Variants in SDK1 observed in about 807,000 individuals in gnomAD.
The protein encoded by SDK1 is sidekick cell adhesion molecule 1.
In SDK1, 157 loss-of-function variants were observed where a neutral mutation model predicts 245.5. That is an observed-to-expected ratio of 0.64 (90% CI 0.56 to 0.73). SDK1 has a LOEUF of 0.73. SDK1 is among the 30% of genes least tolerant of loss of function. SDK1 has a pLI of 0.00. For missense variants in SDK1, 3,583 were observed against 3,002.3 expected, an observed-to-expected ratio of 1.19 and a Z score of -4.52; for synonymous variants, 1,647 against 1,278.5, an observed-to-expected ratio of 1.29 and a Z score of -6.15.
intron 4 of SDK1, among the ~76,000 whole-genome samples, chr7:3,792,075 T>C (rs575374781): frequency 6.6e-6 from 1 of 152,010 alleles, no homozygotes; most frequent in Non-Finnish European, 1.5e-5. Flanking sequence ...CTGCAGTGAG[T>C]TATGAGTGCA....
intron 1 of SDK1, among the ~76,000 whole-genome samples, chr7:3,515,848 A>G (rs1400807080): frequency 6.6e-6 from 1 of 152,202 alleles, no homozygotes; most frequent in Non-Finnish European, 1.5e-5. Flanking sequence ...GAAGATTGAA[A>G]CAAAACTAAT....
At chr7:3,372,782 G>T (rs575562641) in intron 1 of SDK1, among the ~76,000 whole-genome samples, 1 of 152,200 alleles carries the variant, frequency 6.6e-6, no homozygotes, top group Admixed American at 6.5e-5. Context: ...AGGAGAGCGT[G>T]CATTGCAGGC....
At chr7:3,802,785 A>G (rs35961269) in intron 4 of SDK1, among the ~76,000 whole-genome samples, 15,687 of 152,184 alleles carry the variant, frequency 0.1, 1,217 homozygotes, top group African/African-American at 0.22. Context: ...GCATGTATCA[A>G]TGGCTTGTTT....
intron 5 of SDK1, among the ~76,000 whole-genome samples, chr7:3,831,410 C>G (rs534561537): frequency 6.6e-6 from 1 of 152,108 alleles, no homozygotes; most frequent in African/African-American, 2.4e-5. Context: ...TTAAGAAACA[C>G]CTGTTTAATT....
intron 4 of SDK1, among the ~76,000 whole-genome samples, chr7:3,812,007 G>A (rs1403676043): frequency 6.6e-6 from 1 of 152,100 alleles, no homozygotes; most frequent in Non-Finnish European, 1.5e-5. Context: ...GAACAGACTG[G>A]CTTCACACAC....
intron 4 of SDK1, among the ~76,000 whole-genome samples, chr7:3,816,825 T>C (rs979569038): frequency 6.6e-6 from 1 of 152,164 alleles, no homozygotes; most frequent in Non-Finnish European, 1.5e-5. Context: ...CTTTTAAAAG[T>C]TGCTTAATTA....
chr7:3,828,659 T>C, intron 5 of SDK1, among the ~76,000 whole-genome samples: 1 of 28,966 alleles, frequency 3.5e-5, no homozygotes, highest in East Asian at 8.9e-4. Context: ...CTTTTTTTTT[T>C]TTTTTTGTTT....
Position 3,987,304 on chromosome 7 carries a change from G to A in SDK1, c.2113G>A (p.Val705Met), listed in dbSNP as rs376027939. The change falls in exon 14 of 45, where the codon GTG (valine) becomes ATG (methionine). Residue 705 changes from valine (V) to methionine (M), a missense_variant. By Grantham distance (21) the Val-to-Met change is conservative. Transcript: ENST00000404826. ...AAACAGTCCTATTCTTTATTACATC[G>A]TGGAGCTCTCTGAAAACAGTAAGTA... is the stretch of plus-strand genomic sequence containing the variant. ...DGNSPILYYI[V>M]ELSENNSPWK... 4.5e-5 allele frequency: 73 copies of A among 1,613,824 alleles called. No individual in the cohort carries two copies. The highest frequency in any genetic ancestry group is 5.4e-5 in the Non-Finnish European group (64 of 1,179,912).
intron 38 of SDK1, among the ~76,000 whole-genome samples, chr7:4,214,871 T>C (rs1013243351): frequency 6.6e-6 from 1 of 152,216 alleles, no homozygotes; most frequent in African/African-American, 2.4e-5. Flanking sequence ...ACACCGTCAG[T>C]CTGCAGGCAC....
intron 32 of SDK1, among the ~76,000 whole-genome samples, chr7:4,164,162 G>T (rs906933089): frequency 1.3e-5 from 2 of 152,182 alleles, no homozygotes; most frequent in Admixed American, 6.5e-5. Context: ...CAGAGCATAG[G>T]GGGGCCAGAG....
intron 4 of SDK1, among the ~76,000 whole-genome samples, chr7:3,774,418 A>G (rs951034103): frequency 6.6e-6 from 1 of 152,072 alleles, no homozygotes; most frequent in Admixed American, 6.5e-5. Context: ...TTTGCCTACC[A>G]AGGCTCCTGC....
At chr7:4,011,721 G>T (rs894777) in intron 15 of SDK1, among the ~76,000 whole-genome samples, 1 of 151,960 alleles carries the variant, frequency 6.6e-6, no homozygotes, top group Non-Finnish European at 1.5e-5. Context: ...TCTTCAAAAT[G>T]TGGGAGTTTG....
At chr7:3,568,371 C>G (rs1303707670) in intron 1 of SDK1, among the ~76,000 whole-genome samples, 2 of 152,124 alleles carry the variant, frequency 1.3e-5, no homozygotes, top group Non-Finnish European at 2.9e-5. Context: ...CTCTTTTTCC[C>G]TCTATTACCA....
intron 40 of SDK1, among the ~76,000 whole-genome samples, chr7:4,232,384 C>CTTTTTTTT (rs1425066111): frequency 1.1e-5 from 1 of 92,868 alleles, no homozygotes; most frequent in Non-Finnish European, 2.4e-5. Context: ...TTCCTTTTTT[C>CTTTTTTTT]TTTTTTTCTT....
intron 1 of SDK1, among the ~76,000 whole-genome samples, chr7:3,565,550 A>G (rs961878448): frequency 6.6e-6 from 1 of 152,212 alleles, no homozygotes; most frequent in Non-Finnish European, 1.5e-5. Context: ...TAGTAAACTG[A>G]TTACTAGAAC....
chr7:3,884,239 C>G (rs1211504365), intron 5 of SDK1, among the ~76,000 whole-genome samples: 3 of 152,068 alleles, frequency 2.0e-5, no homozygotes, highest in Non-Finnish European at 4.4e-5. Flanking sequence ...AGCCACTGCA[C>G]CCGGCCGCCT....
At chr7:4,200,735 C>T (rs1783836815) in intron 35 of SDK1, among the ~76,000 whole-genome samples, 1 of 152,232 alleles carries the variant, frequency 6.6e-6, no homozygotes, top group African/African-American at 2.4e-5. Flanking sequence ...GTTGCTGAGT[C>T]ACAGCAGTGC....
intron 5 of SDK1, among the ~76,000 whole-genome samples, chr7:3,858,726 A>C (rs963160802): frequency 6.6e-6 from 1 of 151,888 alleles, no homozygotes; most frequent in African/African-American, 2.4e-5. Context: ...TTTCCCTATC[A>C]GGTGTCAAAG....
rs527573476 is a variant in SDK1, at chr7:4,146,597, C to T, written c.4423+681C>T. Among the ~76,000 whole-genome samples, 118 of 152,366 alleles carry T rather than the reference C, an allele frequency of 7.7e-4. 2 individuals carry two copies. The South Asian group carries it at 0.024, about 30-fold the overall frequency. On this transcript the variant is annotated intron_variant, in intron 29 of 44. Transcript: ENST00000404826. ...GCTCGCAGAGGCTGAGTACCTGGGG[C>T]AAGGCTGCAGAGTCACCACATTTGA...
Sources: gnomAD v4.1 joint callset for allele counts (sites outside exome capture counted in the v4.1 genomes callset) on GRCh38, gnomAD v4.1.1 for gene constraint, MANE v1.5 for transcripts, NCBI Gene and HGNC (gene_info 2026-07-23, HGNC 2026-07-21) for gene names.